The following GABRB1 variants were observed in gnomAD, a reference collection of about 807,000 sequenced individuals.
GABRB1 encodes the protein gamma-aminobutyric acid type A receptor subunit beta1, also known as gamma-aminobutyric acid receptor subunit beta-1.
A neutral mutation model predicts 51.6 loss-of-function variants in GABRB1; 17 were observed. The observed-to-expected ratio is 0.33, with a 90% confidence interval of 0.23 to 0.49. GABRB1 has a LOEUF of 0.49. Among genes scored for constraint, GABRB1 ranks in the 20% least tolerant of loss-of-function variants. The pLI, the probability that GABRB1 is intolerant of heterozygous loss-of-function variation, is 0.99. For missense variants in GABRB1, 410 were observed against 600.6 expected, an observed-to-expected ratio of 0.68 and a Z score of 3.32; for synonymous variants, 247 against 218.9, an observed-to-expected ratio of 1.13 and a Z score of -1.14.
intron 3 of GABRB1, among the ~76,000 whole-genome samples, chr4:47,145,363 A>G (rs1560556714): frequency 6.6e-6 from 1 of 151,964 alleles, no homozygotes; most frequent in Non-Finnish European, 1.5e-5. Flanking sequence ...ACACTAAACT[A>G]TAGGATCATT....
At chr4:47,334,205 A>G (rs1725606090) in intron 5 of GABRB1, among the ~76,000 whole-genome samples, 1 of 152,238 alleles carries the variant, frequency 6.6e-6, no homozygotes, top group African/African-American at 2.4e-5. Flanking sequence ...AACTTTGAGT[A>G]GTCAAAATCT....
intron 3 of GABRB1, among the ~76,000 whole-genome samples, chr4:47,042,706 T>C (rs55698013): frequency 0.49 from 74,161 of 150,958 alleles, 18,407 homozygotes; most frequent in Non-Finnish European, 0.53. Flanking sequence ...TCTGTAGGGA[T>C]TTTTAAATAA....
At chr4:47,309,895 T>C (rs368986328) in intron 4 of GABRB1, among the ~76,000 whole-genome samples, 1 of 152,182 alleles carries the variant, frequency 6.6e-6, no homozygotes, top group East Asian at 1.9e-4. Flanking sequence ...TTTTATTTCT[T>C]TGGAAGCATA....
intron 4 of GABRB1, among the ~76,000 whole-genome samples, chr4:47,200,262 A>G (rs1270388016): frequency 6.6e-6 from 1 of 152,144 alleles, no homozygotes; most frequent in Non-Finnish European, 1.5e-5. Context: ...GGGGAGTGGT[A>G]TGCTTGCATT....
chr4:47,176,632 T>A (rs1279820283), intron 4 of GABRB1, among the ~76,000 whole-genome samples: 1 of 152,102 alleles, frequency 6.6e-6, no homozygotes, highest in Non-Finnish European at 1.5e-5. Context: ...TATAATGGCC[T>A]TGGTGACTGT....
intron 3 of GABRB1, among the ~76,000 whole-genome samples, chr4:47,045,953 G>T (rs1470042656): frequency 6.6e-6 from 1 of 152,038 alleles, no homozygotes; most frequent in Non-Finnish European, 1.5e-5. Context: ...TTGAATTTTA[G>T]TTCCCATAAA....
At chr4:47,068,771 G>A (rs1307936940) in intron 3 of GABRB1, among the ~76,000 whole-genome samples, 1 of 152,100 alleles carries the variant, frequency 6.6e-6, no homozygotes, top group East Asian at 1.9e-4. Context: ...AAAATATTAT[G>A]AGAATTGCCA....
At chr4:47,312,361 A>G (rs183870332) in intron 4 of GABRB1, among the ~76,000 whole-genome samples, 5 of 152,148 alleles carry the variant, frequency 3.3e-5, no homozygotes, top group Non-Finnish European at 7.3e-5. Flanking sequence ...TGTCACAACT[A>G]TGAAGATAAT....
At chr4:47,038,552 A>T (rs1725695815) in intron 3 of GABRB1, among the ~76,000 whole-genome samples, 1 of 152,194 alleles carries the variant, frequency 6.6e-6, no homozygotes, top group South Asian at 2.1e-4. Context: ...ATTTTTGAAG[A>T]TCTGAGTATC....
At chr4:47,019,625 C>CCCTTTCTTTCTT (rs1724853699) in intron 1 of GABRB1, among the ~76,000 whole-genome samples, 1 of 91,062 alleles carries the variant, frequency 1.1e-5, no homozygotes, top group African/African-American at 4.4e-5. Context: ...TTCTTTCTCT[C>CCCTTTCTTTCTT]TCTTTCTTTC....
intron 5 of GABRB1, among the ~76,000 whole-genome samples, chr4:47,326,091 T>C (rs889466780): frequency 7.2e-5 from 11 of 152,190 alleles, no homozygotes; most frequent in African/African-American, 2.7e-4. Flanking sequence ...TCGCCTACGA[T>C]CCTGCTCTGT....
chr4:47,191,311 C>A (rs897707822), intron 4 of GABRB1, among the ~76,000 whole-genome samples: 2 of 152,082 alleles, frequency 1.3e-5, no homozygotes, highest in African/African-American at 4.8e-5. Context: ...AATCACATGG[C>A]AGTTTATTTC....
At chr4:47,050,452 T>TA (rs1159383927) in intron 3 of GABRB1, among the ~76,000 whole-genome samples, 2 of 151,810 alleles carry the variant, frequency 1.3e-5, no homozygotes, top group Admixed American at 6.6e-5. Flanking sequence ...CATACATATA[T>TA]TTTTTTTAAG....
chr4:47,166,813 T>G (rs1718209434), intron 4 of GABRB1, among the ~76,000 whole-genome samples: 1 of 152,096 alleles, frequency 6.6e-6, no homozygotes, highest in South Asian at 2.1e-4. Flanking sequence ...ATGCCCTCCC[T>G]TCTCTGCCCC....
At chr4:47,255,417 G>C (rs569024813) in intron 4 of GABRB1, among the ~76,000 whole-genome samples, 40 of 152,332 alleles carry the variant, frequency 2.6e-4, no homozygotes, top group South Asian at 2.1e-3. Flanking sequence ...GAGTTAGGTT[G>C]ATTCTTTTCA....
chr4:47,326,150 A>G (rs748249780), intron 5 of GABRB1, among the ~76,000 whole-genome samples: 1 of 152,178 alleles, frequency 6.6e-6, no homozygotes, highest in Non-Finnish European at 1.5e-5. Context: ...CCACATGTAT[A>G]TGCTGTCTAT....
intron 4 of GABRB1, among the ~76,000 whole-genome samples, chr4:47,174,196 C>T (rs1049238270): frequency 6.6e-6 from 1 of 152,068 alleles, no homozygotes; most frequent in Non-Finnish European, 1.5e-5. Flanking sequence ...TTCCAAGTAG[C>T]TGGCACCACA....
intron 5 of GABRB1, among the ~76,000 whole-genome samples, chr4:47,386,991 A>T (rs994063643): frequency 5.3e-5 from 8 of 152,246 alleles, no homozygotes; most frequent in African/African-American, 1.4e-4. Context: ...GTGTCACCCC[A>T]CAAAGTGCTG....
chr4:47,204,320 A>G (rs1005478003), intron 4 of GABRB1, among the ~76,000 whole-genome samples: 8 of 152,150 alleles, frequency 5.3e-5, no homozygotes, highest in Non-Finnish European at 1.2e-4. Flanking sequence ...ATGGTGACAA[A>G]CAGCACTAAT....
Sources: allele counts gnomAD v4.1 joint callset (sites outside exome capture counted in the v4.1 genomes callset), GRCh38; gene constraint gnomAD v4.1.1; transcripts MANE v1.5; gene names NCBI Gene and HGNC (gene_info 2026-07-23, HGNC 2026-07-21).